SLC25A36: variants seen among roughly 807,000 people sequenced by gnomAD.
SLC25A36 encodes the protein solute carrier family 25 member 36.
Under a neutral mutation model 35.3 loss-of-function variants are expected in SLC25A36, and 24 were observed. The ratio of observed to expected loss-of-function variants is 0.68; its 90% CI spans 0.49 to 0.96. The LOEUF (loss-of-function observed/expected upper bound fraction) is 0.96, where lower values mean the gene tolerates loss of function less well. SLC25A36 is among the 40% of genes least tolerant of loss of function. The pLI is 0.00. For missense variants in SLC25A36, 294 were observed against 381.1 expected (o/e 0.77, Z 1.90); for synonymous variants, 141 against 132.2 (o/e 1.07, Z -0.46).
At chr3:140,975,974 C>T (rs1371691389) in intron 6 of SLC25A36, among the ~76,000 whole-genome samples, 2 of 152,074 alleles carry the variant, frequency 1.3e-5, no homozygotes, top group Non-Finnish European at 2.9e-5. Flanking sequence ...CATTTCTATT[C>T]TTCCTTTTAT....
At chr3:140,971,663 G>C (rs1188744101) in intron 5 of SLC25A36, among the ~76,000 whole-genome samples, 2 of 152,098 alleles carry the variant, frequency 1.3e-5, no homozygotes, top group African/African-American at 4.8e-5. Context: ...GGTGTTCTGG[G>C]AACTGAGAGT....
intron 3 of SLC25A36, among the ~76,000 whole-genome samples, chr3:140,960,213 A>T (rs759884151): frequency 1.3e-5 from 2 of 152,192 alleles, no homozygotes; most frequent in Non-Finnish European, 2.9e-5. Flanking sequence ...TTGAAAATCT[A>T]CACAGGGCTA....
intron 1 of SLC25A36, among the ~76,000 whole-genome samples, chr3:140,952,120 G>T (rs1487620354): frequency 6.6e-6 from 1 of 151,584 alleles, no homozygotes; most frequent in Non-Finnish European, 1.5e-5. Flanking sequence ...GGGTTGAAGC[G>T]ATTCTACTGC....
chr3:140,956,471 A>G (rs3773837), intron 1 of SLC25A36, 56 bp from the exon 2 acceptor site: 76,578 of 1,471,482 alleles, frequency 0.052, 2,720 homozygotes, highest in East Asian at 0.17. Flanking sequence ...CTGGGCATAT[A>G]TACTAACTTA....
intron 1 of SLC25A36, among the ~76,000 whole-genome samples, chr3:140,951,090 C>G (rs187811581): frequency 5.9e-5 from 9 of 152,290 alleles, no homozygotes; most frequent in Middle Eastern, 3.4e-3. Context: ...GGAAAAACTG[C>G]TGCTTTTTGG....
At chr3:140,972,644 T>A (rs959313189) in intron 5 of SLC25A36, 1 of 151,832 alleles carries the variant, frequency 6.6e-6, no homozygotes, top group African/African-American at 2.4e-5. Flanking sequence ...AGAAAAAAAT[T>A]AATAAAAAAA....
chr3:140,950,940 G>GTGTGTGTGTGTA (rs1369343954), intron 1 of SLC25A36, among the ~76,000 whole-genome samples: 1 of 151,458 alleles, frequency 6.6e-6, no homozygotes, highest in African/African-American at 2.4e-5. Flanking sequence ...GTGTGTGTGT[G>GTGTGTGTGTGTA]TAAGGCATAG....
At chr3:140,945,587 A>G (rs1221867569) in intron 1 of SLC25A36, among the ~76,000 whole-genome samples, 1 of 152,132 alleles carries the variant, frequency 6.6e-6, no homozygotes, top group Non-Finnish European at 1.5e-5. Context: ...GTTTAAAACT[A>G]TTTTCATAAA....
intron 1 of SLC25A36, chr3:140,942,494 C>A (rs1346561874): frequency 1.2e-5 from 2 of 164,990 alleles, no homozygotes; most frequent in South Asian, 1.9e-4. Flanking sequence ...CCTGGCCGCA[C>A]GCCGCAATCT....
intron 3 of SLC25A36, among the ~76,000 whole-genome samples, chr3:140,961,428 A>G (rs1022681929): frequency 6.6e-6 from 1 of 151,980 alleles, no homozygotes; most frequent in Non-Finnish European, 1.5e-5. Context: ...TTATTTTTAG[A>G]TTTTCATTGT....
chr3:140,968,653 A>G (rs1163800462), intron 4 of SLC25A36: 1 of 976,444 alleles, frequency 1.0e-6, no homozygotes, highest in Non-Finnish European at 1.2e-6. Flanking sequence ...GTACTATTGT[A>G]AAGTTTTTTA....
At chr3:140,948,113 C>G (rs1351322556) in intron 1 of SLC25A36, among the ~76,000 whole-genome samples, 1 of 152,126 alleles carries the variant, frequency 6.6e-6, no homozygotes, top group Non-Finnish European at 1.5e-5. Context: ...GCCACCACAC[C>G]CAGGTAATTT....
intron 4 of SLC25A36, chr3:140,968,754 T>C (rs1934827675): frequency 2.3e-5 from 22 of 956,796 alleles, no homozygotes; most frequent in Non-Finnish European, 2.7e-5. Context: ...TTTATGTTTT[T>C]AGAAGTAGAA....
chr3:140,975,005 AG>A (rs1446083773), intron 6 of SLC25A36, among the ~76,000 whole-genome samples: 1 of 151,040 alleles, frequency 6.6e-6, no homozygotes, highest in Non-Finnish European at 1.5e-5. Flanking sequence ...CTAAGGTGTA[AG>A]GAACAGAGTT....
At chr3:140,966,204 T>A (rs1375246718) in intron 4 of SLC25A36, 5 of 156,616 alleles carry the variant, frequency 3.2e-5, no homozygotes, top group African/African-American at 1.2e-4. Flanking sequence ...TTTTACTCAT[T>A]AAATACAGGT....
chr3:140,971,228 C>T (rs1934891636), intron 5 of SLC25A36, among the ~76,000 whole-genome samples: 1 of 151,868 alleles, frequency 6.6e-6, no homozygotes, highest in African/African-American at 2.4e-5. Context: ...AAAAGAGTGG[C>T]TAGAAAGATA....
In SLC25A36 at chr3:140,980,477, G is replaced by A. The variant is rs1261145935; in HGVS notation, c.*4024G>A. Among the ~76,000 whole-genome samples the A allele has an allele frequency of 6.6e-6, 1 of 152,142 alleles. No individual in the cohort carries two copies. Among genetic ancestry groups the A allele is most frequent in the Non-Finnish European group, 1.5e-5 (1 of 68,032 alleles). On this transcript the variant is annotated 3_prime_UTR_variant, in exon 7 of 7. Transcript: ENST00000324194. ...TCAACATTGACATAAATCTGAAATT[G>A]TTGGTTCTACTAATAGTACTCTGCA...
rs765825580 is a variant in SLC25A36, at chr3:140,956,605, G to A, written c.120G>A (p.Thr40=). ...VKTRLQSSSV[T]LYISEVQLNT... ...CACGACTGCAGTCATCTTCTGTGAC[G>A]CTTTATATTTCTGAAGTTCAGCTGA... The change falls in exon 2 of 7, where the codon ACG becomes ACA. Residue 40 remains threonine (T), a synonymous_variant. Coordinates refer to ENST00000324194, the MANE Select transcript of SLC25A36 (RefSeq NM_001104647.3). 8 of 1,613,160 alleles carry A rather than the reference G, an allele frequency of 5.0e-6. No individual in the cohort carries two copies. The highest frequency in any genetic ancestry group is 4.5e-5 in the East Asian group (2 of 44,836).
At chr3:140,949,266 TAGAC>T (rs1175176531) in intron 1 of SLC25A36, among the ~76,000 whole-genome samples, 1 of 152,214 alleles carries the variant, frequency 6.6e-6, no homozygotes, top group Admixed American at 6.5e-5. Context: ...TGAAAGTTCT[TAGAC>T]AGTTAAACTC....
Sources: gnomAD v4.1 joint callset for allele counts (sites outside exome capture counted in the v4.1 genomes callset) on GRCh38, gnomAD v4.1.1 for gene constraint, MANE v1.5 for transcripts, NCBI Gene and HGNC (gene_info 2026-07-23, HGNC 2026-07-21) for gene names.